SGCD: variants seen among roughly 807,000 people sequenced by gnomAD.
SGCD encodes the protein delta-sarcoglycan.
A neutral mutation model predicts 36.6 loss-of-function variants in SGCD; 18 were observed. The ratio of observed to expected loss-of-function variants is 0.49; its 90% CI spans 0.34 to 0.73. The LOEUF (loss-of-function observed/expected upper bound fraction) is 0.73. SGCD is among the 30% of genes least tolerant of loss of function. The pLI, the probability that SGCD is intolerant of heterozygous loss-of-function variation, is 0.01. For synonymous variants in SGCD, 133 were observed against 130.6 expected (o/e 1.02, Z -0.12); for missense variants, 387 against 346.7 (o/e 1.12, Z -0.92).
At chr5:156,160,276 G>A (rs1247874993) in intron 3 of SGCD, among the ~76,000 whole-genome samples, 1 of 151,456 alleles carries the variant, frequency 6.6e-6, no homozygotes, top group South Asian at 2.1e-4. Flanking sequence ...AGATATATCA[G>A]CACAAAGATC....
chr5:155,988,007 A>G (rs892004672), intron 1 of SGCD, among the ~76,000 whole-genome samples: 1 of 152,196 alleles, frequency 6.6e-6, no homozygotes, highest in Non-Finnish European at 1.5e-5. Context: ...TGTGGTAGAT[A>G]TTACTATTCC....
chr5:155,854,502 C>T, the SGCD span, among the ~76,000 whole-genome samples: 3 of 152,072 alleles, frequency 2.0e-5, no homozygotes, highest in African/African-American at 7.2e-5. Context: ...GAAAATTTGC[C>T]TCGTATCACA....
the SGCD span, among the ~76,000 whole-genome samples, chr5:155,857,916 A>G: frequency 0.039 from 5,935 of 152,238 alleles, 233 homozygotes; most frequent in African/African-American, 0.098. Context: ...GTTTAAATCT[A>G]CCATCTTACT....
intron 3 of SGCD, among the ~76,000 whole-genome samples, chr5:156,146,010 G>A (rs932867178): frequency 5.9e-5 from 9 of 152,188 alleles, no homozygotes; most frequent in Admixed American, 3.3e-4. Context: ...TCAGGAGATC[G>A]AGACCATCCT....
chr5:156,578,983 A>G (rs1760113033), intron 4 of SGCD, among the ~76,000 whole-genome samples: 1 of 151,614 alleles, frequency 6.6e-6, no homozygotes, highest in Non-Finnish European at 1.5e-5. Flanking sequence ...GCTCTTCTCT[A>G]GTTCTTTTCA....
chr5:156,305,384 G>A (rs1246575416), intron 3 of SGCD, among the ~76,000 whole-genome samples: 1 of 152,220 alleles, frequency 6.6e-6, no homozygotes, highest in Non-Finnish European at 1.5e-5. Flanking sequence ...GAGGGTGCAA[G>A]TCTCAAGCCT....
At chr5:156,704,067 C>T (rs913392836) in intron 7 of SGCD, 2 of 152,246 alleles carry the variant, frequency 1.3e-5, no homozygotes, top group Non-Finnish European at 2.9e-5. Flanking sequence ...GCTCACATCA[C>T]TGAAATATGA....
chr5:156,052,112 G>C lies in SGCD; in HGVS notation c.-281-65766G>C, dbSNP rs1381712211. Among the ~76,000 whole-genome samples, 2 of 146,238 alleles carry C rather than the reference G, an allele frequency of 1.4e-5. 1 individual carries two copies. ...CTCCATAAGTCCAGAGTTCCTGCTAGAGCACTTCCGCCCACAGCTTGAATC... is the reference window on the plus strand; with the variant it reads ...CTCCATAAGTCCAGAGTTCCTGCTACAGCACTTCCGCCCACAGCTTGAATC... On this transcript the variant is annotated intron_variant, in intron 1 of 9. Coordinates refer to the SGCD transcript ENST00000517913.
intron 4 of SGCD, among the ~76,000 whole-genome samples, chr5:156,587,173 C>G (rs1430372177): frequency 6.6e-6 from 1 of 152,146 alleles, no homozygotes; most frequent in Non-Finnish European, 1.5e-5. Flanking sequence ...CTGCTGTGAC[C>G]AGCCTGCCCT....
intron 3 of SGCD, among the ~76,000 whole-genome samples, chr5:156,298,034 A>C (rs2127682459): frequency 6.6e-6 from 1 of 152,048 alleles, no homozygotes; most frequent in East Asian, 1.9e-4. Flanking sequence ...AAATATGCAA[A>C]GTTTTTCTTC....
the SGCD span, among the ~76,000 whole-genome samples, chr5:155,800,172 G>T: frequency 3.9e-5 from 6 of 152,036 alleles, no homozygotes; most frequent in Admixed American, 3.9e-4. Context: ...CTCCTTTACA[G>T]TTGCCTGTTT....
the SGCD span, among the ~76,000 whole-genome samples, chr5:155,734,088 TATA>T: frequency 9.7e-3 from 1,430 of 147,242 alleles, 30 homozygotes; most frequent in African/African-American, 0.033. Flanking sequence ...TATTATATAA[TATA>T]ATAATATTAT....
intron 1 of SGCD, among the ~76,000 whole-genome samples, chr5:156,107,307 A>C (rs1265572918): frequency 6.6e-6 from 1 of 152,144 alleles, no homozygotes; most frequent in African/African-American, 2.4e-5. Flanking sequence ...TTTGGATCAG[A>C]AGTTGTGGGC....
the SGCD span, among the ~76,000 whole-genome samples, chr5:155,853,835 G>C: frequency 6.6e-6 from 1 of 152,056 alleles, no homozygotes; most frequent in Non-Finnish European, 1.5e-5. Flanking sequence ...CATTATTTCA[G>C]CTATTACAAG....
chr5:156,472,196 A>G (rs966711179), intron 3 of SGCD, among the ~76,000 whole-genome samples: 1 of 152,206 alleles, frequency 6.6e-6, no homozygotes, highest in Non-Finnish European at 1.5e-5. Flanking sequence ...AATTGTTTGG[A>G]ATTTTCTTAA....
At chr5:156,742,786 T>C (rs1756751830) in intron 7 of SGCD, among the ~76,000 whole-genome samples, 1 of 152,152 alleles carries the variant, frequency 6.6e-6, no homozygotes, top group Admixed American at 6.5e-5. Flanking sequence ...GGCAGAAGAC[T>C]AATGTCTCAA....
intron 7 of SGCD, among the ~76,000 whole-genome samples, chr5:156,669,855 G>A (rs951931891): frequency 8.5e-5 from 13 of 152,074 alleles, no homozygotes; most frequent in African/African-American, 3.1e-4. Context: ...CCCAAAAGCA[G>A]TCCTAGATTT....
chr5:156,215,032 C>T (rs548468598), intron 3 of SGCD, among the ~76,000 whole-genome samples: 3 of 152,092 alleles, frequency 2.0e-5, no homozygotes, highest in South Asian at 4.2e-4. Flanking sequence ...TCTGAAATAC[C>T]TCAAAATCTG....
chr5:156,323,708 T>C (rs1767733255), upstream of SGCD, among the ~76,000 whole-genome samples: 1 of 152,228 alleles, frequency 6.6e-6, no homozygotes, highest in African/African-American at 2.4e-5. Flanking sequence ...AGACATATTT[T>C]AGTTGTAATT....
Sources: allele counts gnomAD v4.1 joint callset (sites outside exome capture counted in the v4.1 genomes callset), GRCh38; gene constraint gnomAD v4.1.1; transcripts MANE v1.5; gene names NCBI Gene and HGNC (gene_info 2026-07-23, HGNC 2026-07-21).